Variants in NPTN observed in about 807,000 individuals in gnomAD.
NPTN encodes SDR-1.
In NPTN, 5 loss-of-function variants were observed where a neutral mutation model predicts 42.7. That is an observed-to-expected ratio of 0.12 (90% CI 0.06 to 0.25). NPTN has a LOEUF of 0.25. NPTN is among the 10% of genes least tolerant of loss of function. The pLI, the probability that NPTN is intolerant of heterozygous loss-of-function variation, is 1.00. For missense variants in NPTN, 307 were observed against 525.4 expected, an observed-to-expected ratio of 0.58 and a Z score of 4.06; for synonymous variants, 180 against 201.9, an observed-to-expected ratio of 0.89 and a Z score of 0.92.
At chr15:73,573,872 G>C in intron 4 of NPTN, 77 bp from the exon 5 acceptor site, 2 of 1,545,496 alleles carry the variant, frequency 1.3e-6, no homozygotes, top group South Asian at 2.4e-5. Flanking sequence ...TTCTGGCTCA[G>C]AGCCCTGCTT....
At chr15:73,577,623 T>C (rs1483716914) in intron 4 of NPTN, among the ~76,000 whole-genome samples, 4 of 152,120 alleles carry the variant, frequency 2.6e-5, no homozygotes, top group Non-Finnish European at 4.4e-5. Context: ...GACACAAGAT[T>C]AGAAATTATG....
chr15:73,617,403 T>C (rs1233141296), intron 1 of NPTN, among the ~76,000 whole-genome samples: 2 of 152,220 alleles, frequency 1.3e-5, no homozygotes, highest in Non-Finnish European at 2.9e-5. Context: ...AGTATCAAAA[T>C]GTTGGCTAAC....
Position 73,569,213 on chromosome 15 carries a change from T to C in NPTN, c.1114+937A>G. On this transcript the variant is annotated intron_variant, in intron 6 of 8. Transcript: ENST00000345330. This position sits in a 1 kb window ranked among gnomAD's most constrained non-coding sequence, Gnocchi z 4.1. ...TAATTTCTGTACGCCGGTCATGTTA[T>C]AGGGTGGGGATGGGGAGCCAGCTGG... 6.1e-6 allele frequency: 6 copies of C among 985,536 alleles called. No homozygotes were observed. The highest frequency in any genetic ancestry group is 7.2e-6 in the Non-Finnish European group (6 of 830,018). 61.0% of individuals were successfully genotyped at this position (985,536 alleles called of 1,614,324 possible).
At chr15:73,566,256 T>A (rs1391503075) in intron 6 of NPTN, among the ~76,000 whole-genome samples, 1 of 152,166 alleles carries the variant, frequency 6.6e-6, no homozygotes, top group Non-Finnish European at 1.5e-5. Flanking sequence ...AAGCTTCATA[T>A]GCTACCAAAT....
intron 4 of NPTN, among the ~76,000 whole-genome samples, chr15:73,579,418 C>T (rs1008606051): frequency 6.6e-6 from 1 of 152,012 alleles, no homozygotes; most frequent in Non-Finnish European, 1.5e-5. Flanking sequence ...TTTTCATTCT[C>T]CTTTGACCCA....
At chr15:73,581,048 A>G (rs917541267) in intron 4 of NPTN, among the ~76,000 whole-genome samples, 21 of 152,214 alleles carry the variant, frequency 1.4e-4, no homozygotes, top group Admixed American at 1.4e-3. Flanking sequence ...AACATCAGTC[A>G]GGGAAAGGAA....
chr15:73,582,071 C>T (rs950424780), intron 4 of NPTN, among the ~76,000 whole-genome samples: 31 of 152,248 alleles, frequency 2.0e-4, no homozygotes, highest in African/African-American at 6.7e-4. Context: ...GAACTCCCGA[C>T]CTTGTGATCT....
Position 73,597,396 on chromosome 15 carries a change from G to T in NPTN, c.92-27C>A. 6.6e-7 allele frequency: 1 copy of T among 1,509,842 alleles called. No individual in the cohort carries two copies. Among genetic ancestry groups the T allele is most frequent in the Non-Finnish European group, 9.1e-7 (1 of 1,099,198 alleles). 93.5% of individuals were successfully genotyped at this position (1,509,842 alleles called of 1,614,324 possible). On this transcript the variant is annotated intron_variant, in intron 1 of 8. Coordinates refer to ENST00000345330, the MANE Select transcript of NPTN (RefSeq NM_012428.4). This position sits in a 1 kb window ranked among gnomAD's most constrained non-coding sequence, Gnocchi z 6.3. ...TAGAGGGAGGGGGAGCAGGAATGCAGTGACAGGCCAATCAGAAAAAAAAAA... is the reference window on the plus strand; with the variant it reads ...TAGAGGGAGGGGGAGCAGGAATGCATTGACAGGCCAATCAGAAAAAAAAAA...
intron 6 of NPTN, among the ~76,000 whole-genome samples, chr15:73,566,635 T>C (rs1024972905): frequency 3.3e-5 from 5 of 152,042 alleles, no homozygotes; most frequent in Non-Finnish European, 7.4e-5. Flanking sequence ...GCTCCTGGAG[T>C]GCAGTCCGCA....
At chr15:73,596,709 C>G (rs780797009) in intron 2 of NPTN, among the ~76,000 whole-genome samples, 3 of 152,140 alleles carry the variant, frequency 2.0e-5, no homozygotes, top group Non-Finnish European at 2.9e-5. Flanking sequence ...AGTTCTCCCT[C>G]CCCAACTCTT....
At chr15:73,614,829 G>A (rs1049266080) in intron 1 of NPTN, among the ~76,000 whole-genome samples, 3 of 152,084 alleles carry the variant, frequency 2.0e-5, no homozygotes, top group African/African-American at 7.2e-5. Flanking sequence ...AGCCATCAGA[G>A]CCATCTTTCT....
intron 1 of NPTN, among the ~76,000 whole-genome samples, chr15:73,603,604 T>C (rs941268942): frequency 2.6e-5 from 4 of 152,174 alleles, no homozygotes; most frequent in African/African-American, 9.7e-5. Context: ...TCTAAGATAT[T>C]ATGAATAATC....
chr15:73,572,849 T>A (rs1895485004), intron 5 of NPTN, among the ~76,000 whole-genome samples: 1 of 152,220 alleles, frequency 6.6e-6, no homozygotes, highest in Admixed American at 6.5e-5. Context: ...CATGGTGAAT[T>A]ATAATCCCCA....
At position 73,560,056 on chromosome 15, in the gene NPTN, CTT is replaced by C. The variant is rs1423753357; in HGVS notation, c.*1005_*1006del. ...TTATTTTTAAAAACAGGTGAATCCA[CTT>C]TTTTATACATCATTGCACTTCAATA... On this transcript the variant is annotated 3_prime_UTR_variant, in exon 9 of 9. Coordinates refer to ENST00000345330, the MANE Select transcript of NPTN (RefSeq NM_012428.4). The C allele has an allele frequency of 4.4e-6, 3 of 685,698 alleles. No homozygotes were observed. Among genetic ancestry groups the C allele is most frequent in the Admixed American group, 7.8e-5 (2 of 25,734 alleles). 42.5% of individuals were successfully genotyped at this position (685,698 alleles called of 1,614,324 possible).
Position 73,569,112 on chromosome 15 carries a change from T to C in NPTN, c.1114+1038A>G. ...AACCCCACCATCACCCCGGGTAGGC[T>C]ACCACTGAGCCCAGGGGCACACCCA... On this transcript the variant is annotated intron_variant, in intron 6 of 8. Transcript: ENST00000345330. The surrounding 1 kb of genome is among the most constrained non-coding windows in gnomAD (Gnocchi z 4.1). 1 of 985,736 alleles carries C rather than the reference T, an allele frequency of 1.0e-6. No homozygotes were observed. The highest frequency in any genetic ancestry group is 1.2e-6 in the Non-Finnish European group (1 of 830,184). 61.1% of individuals were successfully genotyped at this position (985,736 alleles called of 1,614,324 possible).
intron 1 of NPTN, among the ~76,000 whole-genome samples, chr15:73,601,805 G>T (rs918404224): frequency 6.6e-6 from 1 of 152,196 alleles, no homozygotes; most frequent in African/African-American, 2.4e-5. Context: ...GAGGGAAACT[G>T]AACAGTGGTT....
intron 2 of NPTN, among the ~76,000 whole-genome samples, chr15:73,594,617 T>G (rs1474266605): frequency 6.6e-6 from 1 of 152,146 alleles, no homozygotes; most frequent in Non-Finnish European, 1.5e-5. Context: ...GGTGGGGCTT[T>G]TATTTTTGTG....
Position 73,633,225 on chromosome 15 carries a change from C to T in NPTN, c.-10G>A, listed in dbSNP as rs1236474365. On this transcript the variant is annotated 5_prime_UTR_variant, in exon 1 of 9. Coordinates refer to ENST00000345330, the MANE Select transcript of NPTN (RefSeq NM_012428.4). Reference sequence around the variant, plus strand: ...GCGACGAACCCGACATCCTCCCTAGCAGAAGACCCAACAGCGAATGGGCCG... The same window carrying T: ...GCGACGAACCCGACATCCTCCCTAGTAGAAGACCCAACAGCGAATGGGCCG... 3 of 1,519,244 alleles carry T rather than the reference C, an allele frequency of 2.0e-6. No individual in the cohort carries two copies. The highest frequency in any genetic ancestry group is 5.4e-5 in the East Asian group (2 of 37,018). The allele number at this position is 1,519,244 out of a possible 1,614,324, so 94.1% of individuals were successfully genotyped here.
chr15:73,589,794 C>A (rs1896497557), intron 3 of NPTN, among the ~76,000 whole-genome samples: 1 of 113,842 alleles, frequency 8.8e-6, no homozygotes, highest in Non-Finnish European at 1.9e-5. Flanking sequence ...CACATGGCGG[C>A]ACAATATTCT....
Sources: allele counts gnomAD v4.1 joint callset (sites outside exome capture counted in the v4.1 genomes callset), GRCh38; gene constraint gnomAD v4.1.1; non-coding constraint Gnocchi (gnomAD v3.1); transcripts MANE v1.5; gene names NCBI Gene and HGNC (gene_info 2026-07-23, HGNC 2026-07-21).